STK32B: variants seen among roughly 807,000 people sequenced by gnomAD.
STK32B encodes the protein serine/threonine kinase 32B.
Under a neutral mutation model 52.6 loss-of-function variants are expected in STK32B, and 43 were observed. That is an observed-to-expected ratio of 0.82 (90% CI 0.64 to 1.05). STK32B has a LOEUF of 1.05. Among genes scored for constraint, STK32B ranks in the 50% least tolerant of loss-of-function variants. The probability of loss-of-function intolerance (pLI) is 0.00; values close to 1 mark genes in which losing one functional copy is unlikely to be tolerated. For synonymous variants in STK32B, 238 were observed against 204.3 expected, an observed-to-expected ratio of 1.17 and a Z score of -1.41; for missense variants, 621 against 534.6, an observed-to-expected ratio of 1.16 and a Z score of -1.59.
chr4:5,339,885 T>G (rs1002273456), intron 4 of STK32B, among the ~76,000 whole-genome samples: 1 of 152,188 alleles, frequency 6.6e-6, no homozygotes, highest in Non-Finnish European at 1.5e-5. Flanking sequence ...TTATTTCCTC[T>G]GTCTGGGGGA....
chr4:5,475,765 A>T (rs1718192835), intron 11 of STK32B, among the ~76,000 whole-genome samples: 1 of 152,118 alleles, frequency 6.6e-6, no homozygotes, highest in East Asian at 1.9e-4. Context: ...ATAAAAAAAA[A>T]AAGACATAGA....
intron 2 of STK32B, among the ~76,000 whole-genome samples, chr4:5,160,601 C>G (rs1267685014): frequency 1.3e-5 from 2 of 152,324 alleles, no homozygotes; most frequent in Non-Finnish European, 2.9e-5. Context: ...CCCTTAGTCC[C>G]ATGTGCTCAC....
chr4:5,068,244 G>T (rs573437771), intron 1 of STK32B, among the ~76,000 whole-genome samples: 1 of 152,240 alleles, frequency 6.6e-6, no homozygotes, highest in South Asian at 2.1e-4. Flanking sequence ...AGCATACATT[G>T]TACCCAATGT....
At chr4:5,035,950 T>A in the STK32B span, among the ~76,000 whole-genome samples, 1 of 151,890 alleles carries the variant, frequency 6.6e-6, no homozygotes, top group African/African-American at 2.4e-5. Context: ...CCCGGCTAAT[T>A]TTTGTATTTT....
intron 1 of STK32B, among the ~76,000 whole-genome samples, chr4:5,121,508 A>G (rs888882375): frequency 6.6e-6 from 1 of 152,238 alleles, no homozygotes; most frequent in South Asian, 2.1e-4. Context: ...TGTCTGTGCA[A>G]TCAGGTCATT....
intron 4 of STK32B, among the ~76,000 whole-genome samples, chr4:5,377,610 C>G (rs1204142293): frequency 6.6e-6 from 1 of 152,176 alleles, no homozygotes; most frequent in Non-Finnish European, 1.5e-5. Context: ...AATTGTCATC[C>G]CCATAATCCC....
chr4:5,249,586 A>C (rs923034125), intron 3 of STK32B, among the ~76,000 whole-genome samples: 25 of 151,996 alleles, frequency 1.6e-4, no homozygotes, highest in African/African-American at 6.0e-4. Flanking sequence ...GTTAGCAAAA[A>C]CCCAAAGCAT....
At chr4:5,409,445 G>GC (rs1334407600) in intron 5 of STK32B, among the ~76,000 whole-genome samples, 1 of 152,150 alleles carries the variant, frequency 6.6e-6, no homozygotes, top group Non-Finnish European at 1.5e-5. Flanking sequence ...GAGATAGAAA[G>GC]GAAGTGTATT....
At chr4:5,165,731 T>TA (rs1718819259) in intron 2 of STK32B, among the ~76,000 whole-genome samples, 1 of 152,198 alleles carries the variant, frequency 6.6e-6, no homozygotes, top group African/African-American at 2.4e-5. Flanking sequence ...ACCCCTGAGG[T>TA]ACGTTTGCAC....
intron 4 of STK32B, among the ~76,000 whole-genome samples, chr4:5,350,775 G>C (rs1049786771): frequency 6.6e-6 from 1 of 151,910 alleles, no homozygotes; most frequent in Non-Finnish European, 1.5e-5. Context: ...CATATAGACT[G>C]AAAGTAAAAG....
At chr4:5,116,411 G>A (rs1304683294) in intron 1 of STK32B, among the ~76,000 whole-genome samples, 1 of 152,102 alleles carries the variant, frequency 6.6e-6, no homozygotes, top group Non-Finnish European at 1.5e-5. Context: ...TACAGTCTAT[G>A]GCTTGATGTT....
intron 2 of STK32B, among the ~76,000 whole-genome samples, chr4:5,151,145 G>T (rs1717334251): frequency 2.0e-5 from 3 of 152,128 alleles, no homozygotes; most frequent in South Asian, 4.2e-4. Context: ...CTTTTGGGTT[G>T]TAGCAATTTC....
In STK32B at chr4:5,295,942, C is replaced by T. The variant is rs529788082; in HGVS notation, c.261-35278C>T. 3.9e-5 allele frequency among the ~76,000 whole-genome samples: 6 copies of T among 152,010 alleles called. No homozygotes were observed. In the East Asian group the frequency reaches 1.2e-3, roughly 29 times the overall value. On this transcript the variant is annotated intron_variant, in intron 3 of 11. Coordinates refer to ENST00000282908, the MANE Select transcript of STK32B (RefSeq NM_018401.3). The stretch of plus-strand genomic sequence containing the variant: ...TCTCTCTAAACACTGCTTTAACTGT[C>T]TCCCAGAGATTCTGGCGTGTTGTGT...
At chr4:5,449,092 A>C (rs1479131466) in intron 7 of STK32B, among the ~76,000 whole-genome samples, 1 of 152,202 alleles carries the variant, frequency 6.6e-6, no homozygotes, top group Admixed American at 6.5e-5. Context: ...CTGTAATCCC[A>C]GTTCTTTGGG....
intron 1 of STK32B, among the ~76,000 whole-genome samples, chr4:5,094,210 G>T (rs1175979270): frequency 6.6e-6 from 1 of 152,196 alleles, no homozygotes; most frequent in Non-Finnish European, 1.5e-5. Context: ...TAAAGCAAAA[G>T]GAAGGCGAAG....
At chr4:5,289,234 CAT>C (rs1467064575) in intron 3 of STK32B, among the ~76,000 whole-genome samples, 1 of 152,078 alleles carries the variant, frequency 6.6e-6, no homozygotes, top group Admixed American at 6.6e-5. Context: ...TGTATCTAAA[CAT>C]AGAAAAAGCA....
chr4:5,276,845 C>G (rs1042852063), intron 3 of STK32B, among the ~76,000 whole-genome samples: 1 of 152,126 alleles, frequency 6.6e-6, no homozygotes, highest in Non-Finnish European at 1.5e-5. Context: ...ATGCCCAGCC[C>G]TTGTTTTTTG....
At chr4:5,216,442 C>T (rs1723189443) in intron 3 of STK32B, among the ~76,000 whole-genome samples, 1 of 152,192 alleles carries the variant, frequency 6.6e-6, no homozygotes, top group South Asian at 2.1e-4. Context: ...TTATGACAAA[C>T]AGCAGTTGAG....
At position 5,316,993 on chromosome 4, in the gene STK32B, GATATAAT is replaced by G. The variant is rs1230612480; in HGVS notation, c.261-14214_261-14208del. On this transcript the variant is annotated intron_variant, in intron 3 of 11. Coordinates refer to ENST00000282908, the MANE Select transcript of STK32B (RefSeq NM_018401.3). ...AATATATATAATATATAATATATAT[GATATAAT>G]ATATAATATATATAATATATAATAT... is the stretch of plus-strand genomic sequence containing the variant. Among the ~76,000 whole-genome samples, 15 of 14,904 alleles carry G rather than the reference GATATAAT, an allele frequency of 1.0e-3. No homozygotes were observed. In the East Asian group the frequency reaches 0.016, roughly 15 times the overall value. The allele number at this position is 14,904 out of a possible 152,430, so 9.8% of individuals were successfully genotyped here. A position where few individuals can be genotyped will look rare whatever the true frequency, so the allele number is the denominator to read the frequency against.
Sources: allele counts gnomAD v4.1 joint callset (sites outside exome capture counted in the v4.1 genomes callset), GRCh38; gene constraint gnomAD v4.1.1; transcripts MANE v1.5; gene names NCBI Gene and HGNC (gene_info 2026-07-23, HGNC 2026-07-21).